The following CD55 variants were observed in gnomAD, a reference collection of about 807,000 sequenced individuals.
CD55 encodes the protein CD55 molecule (Cromer blood group).
In CD55, 41 loss-of-function variants were observed where a neutral mutation model predicts 45.8. The observed-to-expected ratio is 0.90, with a 90% CI of 0.70 to 1.16. The LOEUF is 1.16. Ranked by LOEUF, CD55 falls within the 50% of genes most tolerant of loss-of-function variation. The pLI, the probability that CD55 is intolerant of heterozygous loss-of-function variation, is 0.00. For synonymous variants in CD55, 181 were observed against 181.1 expected, an observed-to-expected ratio of 1.00 and a Z score of 0.01; for missense variants, 416 against 469.8, an observed-to-expected ratio of 0.89 and a Z score of 1.06.
intron 9 of CD55, 142 bp from the exon 10 acceptor site, chr1:207,359,404 C>T (rs1396453322): frequency 4.2e-6 from 3 of 713,056 alleles, no homozygotes; most frequent in African/African-American, 1.8e-5. Context: ...TTCTATTACT[C>T]ATTATTTTTT....
chr1:207,350,394 C>T (rs945310071), intron 9 of CD55, among the ~76,000 whole-genome samples: 1 of 151,818 alleles, frequency 6.6e-6, no homozygotes, highest in Non-Finnish European at 1.5e-5. Context: ...GGAGTCCCTC[C>T]TCCTTGATTT....
chr1:207,354,413 G>A (rs890228648), intron 9 of CD55: 11 of 202,362 alleles, frequency 5.4e-5, no homozygotes, highest in African/African-American at 2.4e-4. Context: ...GTGATCAAAT[G>A]AGATAATAGG....
At chr1:207,349,183 T>C (rs1020129884) in intron 9 of CD55, among the ~76,000 whole-genome samples, 5 of 151,300 alleles carry the variant, frequency 3.3e-5, no homozygotes, top group African/African-American at 1.2e-4. Flanking sequence ...AAATTTTGTA[T>C]TAATTTTTTT....
In CD55 at chr1:207,339,264, TATTTC is replaced by T. The variant is rs1175528516; in HGVS notation, c.1061-128_1061-124del. On this transcript the variant is annotated intron_variant, in intron 8 of 9. Transcript: ENST00000367064. Reference sequence around the variant, plus strand: ...GTAATTGTTTTTATAAATTTATAATTATTTCATTTGTGGAAATTTGAGTTGCTTTC... The same window carrying T: ...GTAATTGTTTTTATAAATTTATAATTATTTGTGGAAATTTGAGTTGCTTTC... 1.6e-4 allele frequency: 101 copies of T among 636,458 alleles called. 1 individual carries two copies. In the East Asian group the frequency reaches 2.6e-3, roughly 16 times the overall value. 39.4% of individuals were successfully genotyped at this position (636,458 alleles called of 1,614,324 possible).
rs755440298 is a variant in CD55, at chr1:207,359,568, A to G, written c.1104A>G (p.Thr368=). The stretch of plus-strand genomic sequence containing the variant: ...CAGGGCACACGTGTTTCACGTTGAC[A>G]GGTTTGCTTGGGACGCTAGTAACCA... ...LLSGHTCFTL[T]GLLGTLVTMG... Residue 368 remains threonine, a synonymous_variant, in exon 10 of 10, where the codon ACA becomes ACG. Coordinates refer to ENST00000367064, the MANE Select transcript of CD55 (RefSeq NM_000574.5). 5.1e-6 allele frequency: 8 copies of G among 1,577,436 alleles called. No homozygotes were observed. The highest frequency in any genetic ancestry group is 4.6e-5 in the South Asian group (4 of 86,528).
chr1:207,344,743 C>T (rs940782952), intron 9 of CD55, among the ~76,000 whole-genome samples: 2 of 150,726 alleles, frequency 1.3e-5, no homozygotes, highest in African/African-American at 2.4e-5. Context: ...GACAGAGTCT[C>T]ATTCTGTCAC....
At chr1:207,337,299 C>G (rs747002971) in intron 7 of CD55, 30 bp from the exon 8 acceptor site, 1 of 1,391,168 alleles carries the variant, frequency 7.2e-7, no homozygotes, top group South Asian at 1.2e-5. Flanking sequence ...CTCAAGAGTA[C>G]ACAAAGATTC....
At chr1:207,337,716 A>G in intron 8 of CD55, 1 of 238,766 alleles carries the variant, frequency 4.2e-6, no homozygotes, top group Non-Finnish European at 8.1e-6. Context: ...GAATTATTCA[A>G]GACCCCTTCA....
intron 6 of CD55, among the ~76,000 whole-genome samples, chr1:207,332,375 C>T (rs1027929691): frequency 6.6e-6 from 1 of 152,046 alleles, no homozygotes; most frequent in Non-Finnish European, 1.5e-5. Context: ...TATGCAAGTA[C>T]ATTTGTACAA....
chr1:207,322,105 C>T (rs1213905988), intron 1 of CD55: 2 of 624,386 alleles, frequency 3.2e-6, no homozygotes, highest in Admixed American at 2.7e-5. Context: ...GAGGCCCCGG[C>T]TGGGTTTGCG....
intron 9 of CD55, among the ~76,000 whole-genome samples, chr1:207,353,040 GTTTTTTTTTTTTT>G (rs386369456): frequency 6.3e-5 from 3 of 47,406 alleles, no homozygotes; most frequent in East Asian, 7.2e-4. Context: ...CTATTACCAG[GTTTTTTTTTTTTT>G]TTTTTTTTTT....
chr1:207,357,341 G>C (rs974374615), intron 9 of CD55, among the ~76,000 whole-genome samples: 1 of 152,106 alleles, frequency 6.6e-6, no homozygotes, highest in African/African-American at 2.4e-5. Flanking sequence ...CTCACAGTTA[G>C]TACTAAGTCA....
chr1:207,336,572 A>C (rs1655179925), intron 6 of CD55, 121 bp from the exon 7 acceptor site: 1 of 1,160,086 alleles, frequency 8.6e-7, no homozygotes. Flanking sequence ...GGTTTCCTGA[A>C]AGTCATACCT....
chr1:207,331,605 T>C (rs1288531284), intron 6 of CD55, among the ~76,000 whole-genome samples: 1 of 152,218 alleles, frequency 6.6e-6, no homozygotes, highest in East Asian at 1.9e-4. Flanking sequence ...ATAGGTACTT[T>C]GTTTATACAA....
chr1:207,359,040 T>A (rs1475197461), intron 9 of CD55, among the ~76,000 whole-genome samples: 7 of 152,150 alleles, frequency 4.6e-5, no homozygotes, highest in African/African-American at 1.7e-4. Flanking sequence ...AGAAAAATTA[T>A]AATATGTGCT....
rs182649433 is a variant in CD55 at position 207,355,832 on chromosome 1, G to A, written c.1082-3714G>A. Among the ~76,000 whole-genome samples the A allele has an allele frequency of 1.7e-4, 26 of 152,232 alleles. No homozygotes were observed. In the East Asian group the frequency reaches 4.6e-3, roughly 27 times the overall value. ...CTGTCACCATATTTGAATGCTCAAC[G>A]ATCAAAACATTTAAAATCGAGCATG... On this transcript the variant is annotated intron_variant, in intron 9 of 9. Transcript: ENST00000367064.
intron 9 of CD55, among the ~76,000 whole-genome samples, chr1:207,348,582 C>T (rs768288766): frequency 1.3e-5 from 2 of 151,858 alleles, no homozygotes; most frequent in African/African-American, 4.8e-5. Flanking sequence ...TAATTATGTC[C>T]CACTTGTCAA....
intron 9 of CD55, among the ~76,000 whole-genome samples, chr1:207,341,353 C>T (rs1655417640): frequency 6.6e-6 from 1 of 152,094 alleles, no homozygotes; most frequent in Admixed American, 6.5e-5. Flanking sequence ...GACTAATGTC[C>T]TGTAGCATCT....
At chr1:207,336,131 T>G (rs538926006) in intron 6 of CD55, among the ~76,000 whole-genome samples, 14 of 152,310 alleles carry the variant, frequency 9.2e-5, no homozygotes, top group African/African-American at 2.6e-4. Flanking sequence ...ACCTGACTTG[T>G]TATCTAGTCT....
Sources: allele counts gnomAD v4.1 joint callset (sites outside exome capture counted in the v4.1 genomes callset), GRCh38; gene constraint gnomAD v4.1.1; transcripts MANE v1.5; gene names NCBI Gene and HGNC (gene_info 2026-07-23, HGNC 2026-07-21).